RHBDD1: variants seen among roughly 807,000 people sequenced by gnomAD.
RHBDD1 encodes rhomboid domain containing 1, also known as rhomboid-related protein 4.
Under a neutral mutation model 36.3 loss-of-function variants are expected in RHBDD1, and 38 were observed. The ratio of observed to expected loss-of-function variants is 1.05; its 90% CI spans 0.81 to 1.37. The LOEUF (loss-of-function observed/expected upper bound fraction) is 1.37, where lower values mean the gene tolerates loss of function less well. RHBDD1 is among the 40% of genes most tolerant of loss of function. RHBDD1 has a pLI of 0.00. For missense variants in RHBDD1, 393 were observed against 377.6 expected (o/e 1.04, Z -0.34); for synonymous variants, 151 against 136.5 (o/e 1.11, Z -0.74).
At chr2:226,887,426 T>C (rs1037967485) in intron 5 of RHBDD1, among the ~76,000 whole-genome samples, 1 of 152,234 alleles carries the variant, frequency 6.6e-6, no homozygotes, top group Non-Finnish European at 1.5e-5. Flanking sequence ...GGAGAATTCC[T>C]CAGTGTAACT....
At chr2:226,887,170 C>T (rs1433490903) in intron 5 of RHBDD1, among the ~76,000 whole-genome samples, 1 of 152,072 alleles carries the variant, frequency 6.6e-6, no homozygotes, top group Non-Finnish European at 1.5e-5. Context: ...TTAAAAGAGT[C>T]GCTGTTGGTT....
At chr2:226,964,838 T>A (rs1952500814) in intron 8 of RHBDD1, among the ~76,000 whole-genome samples, 1 of 152,194 alleles carries the variant, frequency 6.6e-6, no homozygotes, top group African/African-American at 2.4e-5. Flanking sequence ...AAGGTGAGGA[T>A]GTAGAAATAA....
At chr2:226,989,916 C>T (rs1957802957) in intron 8 of RHBDD1, among the ~76,000 whole-genome samples, 2 of 152,074 alleles carry the variant, frequency 1.3e-5, no homozygotes, top group African/African-American at 4.8e-5. Flanking sequence ...TTTGAGATTC[C>T]AGATATTATT....
chr2:226,913,804 A>G (rs1417743490), intron 7 of RHBDD1, among the ~76,000 whole-genome samples: 2 of 152,202 alleles, frequency 1.3e-5, no homozygotes, highest in Non-Finnish European at 2.9e-5. Context: ...GTACAGAGCA[A>G]CAAGACAATA....
chr2:226,965,092 A>C (rs1289908765), intron 8 of RHBDD1, among the ~76,000 whole-genome samples: 3 of 152,258 alleles, frequency 2.0e-5, no homozygotes, highest in East Asian at 1.9e-4. Flanking sequence ...GGCTCTTTGC[A>C]GGTAATTAAG....
intron 8 of RHBDD1, among the ~76,000 whole-genome samples, chr2:226,945,180 T>G (rs1340890208): frequency 6.7e-6 from 1 of 150,120 alleles, no homozygotes; most frequent in Non-Finnish European, 1.5e-5. Flanking sequence ...ATTATTATAC[T>G]TTAAGTTCTG....
At position 226,865,189 on chromosome 2, in the gene RHBDD1, C is replaced by T. The variant is rs1241069628; in HGVS notation, c.433+63C>T. ...GAAGCAAGGGAGGTGTGGCTGCTGT[C>T]ATTTTATGAAGTGTGGGTCCCTATC... On this transcript the variant is annotated intron_variant, in intron 4 of 8. Coordinates refer to ENST00000392062, the MANE Select transcript of RHBDD1 (RefSeq NM_001167608.3). 9.4e-6 allele frequency: 12 copies of T among 1,279,776 alleles called. No individual in the cohort carries two copies. In the Admixed American group the frequency reaches 1.4e-4, roughly 15 times the overall value. The allele number at this position is 1,279,776 out of a possible 1,614,324, so 79.3% of individuals were successfully genotyped here. A position where few individuals can be genotyped will look rare whatever the true frequency, so the allele number is the denominator to read the frequency against.
chr2:226,922,244 G>A (rs1424150519), intron 8 of RHBDD1, among the ~76,000 whole-genome samples: 1 of 110,710 alleles, frequency 9.0e-6, no homozygotes, highest in Non-Finnish European at 1.7e-5. Context: ...GTCTCACTCT[G>A]TCGCCCAGGC....
chr2:226,915,920 C>G (rs1948871363), intron 8 of RHBDD1, among the ~76,000 whole-genome samples: 1 of 152,138 alleles, frequency 6.6e-6, no homozygotes, highest in Non-Finnish European at 1.5e-5. Flanking sequence ...CTGGGCTTAG[C>G]TGATTTTGGC....
chr2:226,945,470 C>G (rs1308939001), intron 8 of RHBDD1, among the ~76,000 whole-genome samples: 1 of 152,094 alleles, frequency 6.6e-6, no homozygotes, highest in Non-Finnish European at 1.5e-5. Context: ...TCATCCATGT[C>G]CCTGCAACAG....
chr2:226,870,592 G>A (rs1200158403), intron 5 of RHBDD1, among the ~76,000 whole-genome samples: 4 of 152,092 alleles, frequency 2.6e-5, no homozygotes, highest in East Asian at 1.9e-4. Context: ...GGGATGCTGC[G>A]CCCCCATGTA....
At chr2:226,885,854 A>G (rs1946158272) in intron 5 of RHBDD1, among the ~76,000 whole-genome samples, 1 of 152,192 alleles carries the variant, frequency 6.6e-6, no homozygotes, top group African/African-American at 2.4e-5. Flanking sequence ...ATAGTGCAGA[A>G]CAATATATAT....
At chr2:226,945,170 A>G (rs1010877579) in intron 8 of RHBDD1, among the ~76,000 whole-genome samples, 3 of 149,554 alleles carry the variant, frequency 2.0e-5, no homozygotes, top group Non-Finnish European at 3.0e-5. Context: ...TATTATTATT[A>G]TTATTATACT....
In RHBDD1 at chr2:226,988,628, T is replaced by G. The variant is rs570274072; in HGVS notation, c.857-6803T>G. 38 of 1,344,060 alleles carry G rather than the reference T, an allele frequency of 2.8e-5. No homozygotes were observed. In the East Asian group the frequency reaches 1.1e-3, roughly 38 times the overall value. The allele number at this position is 1,344,060 out of a possible 1,614,324, so 83.3% of individuals were successfully genotyped here. A position where few individuals can be genotyped will look rare whatever the true frequency, so the allele number is the denominator to read the frequency against. On this transcript the variant is annotated intron_variant, in intron 8 of 8. Coordinates refer to ENST00000392062, the MANE Select transcript of RHBDD1 (RefSeq NM_001167608.3). The stretch of plus-strand genomic sequence containing the variant: ...CAGCTGCCCCTCCGAGCAGACACAT[T>G]GGCCCTGGAGCTTCTGAGAGGAAGG...
chr2:226,816,682 G>C, the RHBDD1 span, among the ~76,000 whole-genome samples: 1 of 152,188 alleles, frequency 6.6e-6, no homozygotes, highest in Non-Finnish European at 1.5e-5. Flanking sequence ...GATCACCTGA[G>C]GTTAGGAGTT....
chr2:226,903,079 T>A (rs1282315480), intron 5 of RHBDD1, among the ~76,000 whole-genome samples: 2 of 152,154 alleles, frequency 1.3e-5, no homozygotes, highest in Non-Finnish European at 2.9e-5. Context: ...TTATTATTAT[T>A]TTTTTAACTG....
chr2:226,994,630 T>G (rs1036465611), intron 8 of RHBDD1, among the ~76,000 whole-genome samples: 1 of 152,212 alleles, frequency 6.6e-6, no homozygotes, highest in African/African-American at 2.4e-5. Context: ...GTGATGTGTC[T>G]TCCTGGTTTC....
intron 8 of RHBDD1, among the ~76,000 whole-genome samples, chr2:226,919,151 T>A (rs1351513028): frequency 6.6e-6 from 1 of 152,106 alleles, no homozygotes; most frequent in Non-Finnish European, 1.5e-5. Flanking sequence ...TTGCACAGTT[T>A]AAAAATTAGA....
chr2:226,855,998 A>G (rs1018384123), intron 3 of RHBDD1, among the ~76,000 whole-genome samples: 8 of 152,294 alleles, frequency 5.3e-5, no homozygotes, highest in Admixed American at 1.3e-4. Context: ...AATGGATTAG[A>G]TAGCCGGAAA....
Sources: gnomAD v4.1 joint callset for allele counts (sites outside exome capture counted in the v4.1 genomes callset) on GRCh38, gnomAD v4.1.1 for gene constraint, MANE v1.5 for transcripts, NCBI Gene and HGNC (gene_info 2026-07-23, HGNC 2026-07-21) for gene names.